Variants in SAMD5 observed in about 807,000 individuals in gnomAD.
SAMD5 encodes the protein sterile alpha motif domain-containing protein 5.
Under a neutral mutation model 11.3 loss-of-function variants are expected in SAMD5, and 13 were observed. The ratio of observed to expected loss-of-function variants is 1.15; its 90% CI spans 0.75 to 1.83. The LOEUF is 1.83. SAMD5 is among the 40% of genes most tolerant of loss of function. The pLI is 0.00. For synonymous variants in SAMD5, 129 were observed against 111.3 expected, an observed-to-expected ratio of 1.16 and a Z score of -1.00; for missense variants, 255 against 239.1, an observed-to-expected ratio of 1.07 and a Z score of -0.44.
At position 147,731,741 on chromosome 6, in the gene SAMD5, T is replaced by G. The variant is rs145713167; in HGVS notation, c.163-5576T>G. Among the ~76,000 whole-genome samples, 924 of 141,200 alleles carry G rather than the reference T, an allele frequency of 6.5e-3. 12 individuals carry two copies. Among genetic ancestry groups the G allele is most frequent in the African/African-American group, 0.022 (859 of 39,264 alleles). 92.6% of individuals were successfully genotyped at this position (141,200 alleles called of 152,430 possible). A position where few individuals can be genotyped will look rare whatever the true frequency, so the allele number is the denominator to read the frequency against. On this transcript the variant is annotated intron_variant, in intron 1 of 1. Transcript: ENST00000566741. ...TCCTTCTTTCCTTCCTTCCTTCCAT[T>G]CTTTTAGTCATCACTTTTTAGCTCC...
At chr6:147,693,752 T>A (rs60914083) in intron 1 of SAMD5, among the ~76,000 whole-genome samples, 26,918 of 151,970 alleles carry the variant, frequency 0.18, 2,687 homozygotes, top group African/African-American at 0.28. Flanking sequence ...GGGGATCACC[T>A]GAGGTCAGGA....
At chr6:147,791,835 C>T in the SAMD5 span, among the ~76,000 whole-genome samples, 13 of 152,090 alleles carry the variant, frequency 8.5e-5, no homozygotes, top group East Asian at 3.9e-4. Flanking sequence ...GAAGCCAGTC[C>T]GAGAAGGCTG....
At chr6:147,925,862 G>A in the SAMD5 span, among the ~76,000 whole-genome samples, 1 of 151,902 alleles carries the variant, frequency 6.6e-6, no homozygotes, top group African/African-American at 2.4e-5. Flanking sequence ...AGGCCCCAGT[G>A]TTTGTTGTTC....
chr6:147,810,104 T>C, the SAMD5 span, among the ~76,000 whole-genome samples: 3 of 152,266 alleles, frequency 2.0e-5, no homozygotes, highest in South Asian at 4.1e-4. Context: ...AAATGAGAGG[T>C]ATTTTGATTT....
At chr6:147,585,676 T>C (rs1446619694) in intron 1 of SAMD5, among the ~76,000 whole-genome samples, 2 of 152,276 alleles carry the variant, frequency 1.3e-5, no homozygotes, top group African/African-American at 2.4e-5. Flanking sequence ...ACAAGCCCCA[T>C]ATACAATATT....
At chr6:147,911,163 A>G in the SAMD5 span, among the ~76,000 whole-genome samples, 1 of 152,136 alleles carries the variant, frequency 6.6e-6, no homozygotes, top group Non-Finnish European at 1.5e-5. Flanking sequence ...TCTATGATCT[A>G]TTTTCCTTAA....
At chr6:147,662,692 A>G (rs965533939) in intron 1 of SAMD5, among the ~76,000 whole-genome samples, 2 of 152,152 alleles carry the variant, frequency 1.3e-5, no homozygotes, top group African/African-American at 2.4e-5. Flanking sequence ...GCCTTGGGGT[A>G]AATATCACTA....
chr6:147,937,244 T>C, the SAMD5 span, among the ~76,000 whole-genome samples: 1 of 152,200 alleles, frequency 6.6e-6, no homozygotes, highest in African/African-American at 2.4e-5. Context: ...GAAATTTCAT[T>C]GGCCAAATTC....
intron 1 of SAMD5, among the ~76,000 whole-genome samples, chr6:147,633,752 CT>C (rs1216931388): frequency 7.0e-6 from 1 of 143,462 alleles, no homozygotes; most frequent in Non-Finnish European, 1.5e-5. Flanking sequence ...CCTTCCTCTT[CT>C]TTTCCTTCAT....
the SAMD5 span, among the ~76,000 whole-genome samples, chr6:147,809,311 A>G: frequency 6.6e-6 from 1 of 152,322 alleles, no homozygotes; most frequent in Admixed American, 6.5e-5. Context: ...GACACAGTAC[A>G]GATTTCTAGC....
intron 1 of SAMD5, among the ~76,000 whole-genome samples, chr6:147,622,661 G>A (rs1047220369): frequency 6.6e-6 from 1 of 152,170 alleles, no homozygotes; most frequent in Admixed American, 6.5e-5. Flanking sequence ...CCCTTTCTCA[G>A]GCCATGCGAC....
chr6:147,795,655 T>G, the SAMD5 span, among the ~76,000 whole-genome samples: 1,680 of 150,818 alleles, frequency 0.011, 37 homozygotes, highest in African/African-American at 0.039. Context: ...TCTTCCACAA[T>G]GGTTGAACTA....
At chr6:147,930,561 G>C in the SAMD5 span, among the ~76,000 whole-genome samples, 1 of 152,156 alleles carries the variant, frequency 6.6e-6, no homozygotes, top group East Asian at 1.9e-4. Context: ...CTATAAGCTG[G>C]AGAATGATAG....
the SAMD5 span, among the ~76,000 whole-genome samples, chr6:147,937,811 T>C: frequency 6.6e-6 from 1 of 152,236 alleles, no homozygotes; most frequent in Non-Finnish European, 1.5e-5. Flanking sequence ...CATATATCTT[T>C]TTTTTAAGTT....
At chr6:147,725,823 GAA>G (rs1791618080) in intron 1 of SAMD5, among the ~76,000 whole-genome samples, 2 of 152,198 alleles carry the variant, frequency 1.3e-5, no homozygotes, top group Admixed American at 1.3e-4. Flanking sequence ...TTTAGGAAGA[GAA>G]AAAAGAGTGG....
At chr6:147,694,851 C>CT (rs34887081) in intron 1 of SAMD5, among the ~76,000 whole-genome samples, 1 of 152,060 alleles carries the variant, frequency 6.6e-6, no homozygotes, top group Non-Finnish European at 1.5e-5. Context: ...TGAAATAAGA[C>CT]TTTTTTTCTG....
chr6:147,626,791 G>GAAA (rs529975933), intron 1 of SAMD5, among the ~76,000 whole-genome samples: 1,247 of 54,656 alleles, frequency 0.023, 84 homozygotes, highest in Non-Finnish European at 0.032. Context: ...CTGTTTCTAT[G>GAAA]AAAAAAAAAA....
At chr6:147,882,973 T>C in the SAMD5 span, among the ~76,000 whole-genome samples, 3 of 152,250 alleles carry the variant, frequency 2.0e-5, no homozygotes, top group African/African-American at 7.2e-5. Context: ...TTCTGTAGTT[T>C]ATTAGCTTGG....
chr6:147,691,793 G>A (rs1562352858), intron 1 of SAMD5, among the ~76,000 whole-genome samples: 1 of 152,128 alleles, frequency 6.6e-6, no homozygotes, highest in African/African-American at 2.4e-5. Flanking sequence ...AGAAATCAAG[G>A]CCAATGTCAC....
Sources: allele counts gnomAD v4.1 joint callset (sites outside exome capture counted in the v4.1 genomes callset), GRCh38; gene constraint gnomAD v4.1.1; transcripts MANE v1.5; gene names NCBI Gene and HGNC (gene_info 2026-07-23, HGNC 2026-07-21).